The following STAU2 variants were observed in gnomAD, a reference collection of about 807,000 sequenced individuals.
STAU2 encodes staufen double-stranded RNA binding protein 2.
STAU2 carries 20 observed loss-of-function variants against 65.9 expected under a neutral mutation model. The observed-to-expected ratio is 0.30, with a 90% confidence interval of 0.21 to 0.44. STAU2 has a LOEUF of 0.44. STAU2 is among the 20% of genes least tolerant of loss of function. STAU2 has a pLI of 1.00. For missense variants in STAU2, 558 were observed against 683.9 expected, an observed-to-expected ratio of 0.82 and a Z score of 2.05; for synonymous variants, 232 against 233.9, an observed-to-expected ratio of 0.99 and a Z score of 0.07.
chr8:73,719,919 C>A (rs1821519922), intron 3 of STAU2, among the ~76,000 whole-genome samples: 1 of 152,106 alleles, frequency 6.6e-6, no homozygotes, highest in African/African-American at 2.4e-5. Flanking sequence ...ACCAGTGAAA[C>A]TATCCGGACC....
chr8:73,712,902 A>G (rs1157663348), intron 3 of STAU2, among the ~76,000 whole-genome samples: 1 of 152,228 alleles, frequency 6.6e-6, no homozygotes, highest in Non-Finnish European at 1.5e-5. Flanking sequence ...ACTGCAATCC[A>G]GCCTGGGTGA....
At position 73,495,422 on chromosome 8, in the gene STAU2, T is replaced by C. The variant is rs554558716; in HGVS notation, c.1530+56590A>G. Reference sequence around the variant, plus strand: ...TAGTCAAAATGTTAAAGGCAGTTTATCTTAAGCATTTACATTTTTCTTCTA... The same window carrying C: ...TAGTCAAAATGTTAAAGGCAGTTTACCTTAAGCATTTACATTTTTCTTCTA... On this transcript the variant is annotated intron_variant, in intron 13 of 14. Coordinates refer to ENST00000524300, the MANE Select transcript of STAU2 (RefSeq NM_001164380.2). Among the ~76,000 whole-genome samples the C allele has an allele frequency of 7.3e-5, 11 of 151,614 alleles. No individual in the cohort carries two copies. The South Asian group carries it at 2.3e-3, about 31-fold the overall frequency.
At chr8:73,513,597 G>A (rs1822533683) in intron 13 of STAU2, among the ~76,000 whole-genome samples, 1 of 152,102 alleles carries the variant, frequency 6.6e-6, no homozygotes, top group Admixed American at 6.5e-5. Flanking sequence ...TGTTTGAAGT[G>A]TTTTGGTGAG....
At chr8:73,638,859 T>C (rs555181059) in intron 6 of STAU2, among the ~76,000 whole-genome samples, 80 of 152,000 alleles carry the variant, frequency 5.3e-4, no homozygotes, top group Middle Eastern at 3.4e-3. Flanking sequence ...GTACAAGTAG[T>C]AAAAAATTGA....
chr8:73,554,747 C>T (rs1010905426), intron 12 of STAU2, among the ~76,000 whole-genome samples: 1 of 152,216 alleles, frequency 6.6e-6, no homozygotes, highest in Admixed American at 6.5e-5. Flanking sequence ...AGAACATTCT[C>T]TTACTTAAAG....
chr8:73,659,994 A>C (rs1816706852), intron 6 of STAU2, among the ~76,000 whole-genome samples: 2 of 152,204 alleles, frequency 1.3e-5, no homozygotes, highest in South Asian at 4.1e-4. Context: ...TTAAACTTTT[A>C]GCATAAAGAA....
At chr8:73,674,523 T>C (rs1376516798) in intron 5 of STAU2, among the ~76,000 whole-genome samples, 2 of 151,930 alleles carry the variant, frequency 1.3e-5, no homozygotes, top group Non-Finnish European at 2.9e-5. Flanking sequence ...ACCTAATTGA[T>C]TGGTGGCCCT....
At position 73,536,350 on chromosome 8, in the gene STAU2, A is replaced by G. The variant is rs186178995; in HGVS notation, c.1530+15662T>C. The stretch of plus-strand genomic sequence containing the variant: ...CCAATGGGTACAGGTGGGGAAAAAA[A>G]GCCCTAAGAAAGTCTGCTCTTTCTA... On this transcript the variant is annotated intron_variant, in intron 13 of 14. Coordinates refer to ENST00000524300, the MANE Select transcript of STAU2 (RefSeq NM_001164380.2). Among the ~76,000 whole-genome samples the G allele has an allele frequency of 3.6e-3, 552 of 152,308 alleles. 3 individuals carry two copies. The highest frequency in any genetic ancestry group is 0.013 in the African/African-American group (523 of 41,560).
At chr8:73,581,873 G>A (rs193082480) in intron 12 of STAU2, among the ~76,000 whole-genome samples, 2 of 152,148 alleles carry the variant, frequency 1.3e-5, no homozygotes, top group African/African-American at 2.4e-5. Context: ...ATCAAGAGAC[G>A]AGCCACTAAT....
chr8:73,433,514 T>C (rs1160911708), intron 13 of STAU2, among the ~76,000 whole-genome samples: 1 of 150,792 alleles, frequency 6.6e-6, no homozygotes, highest in Admixed American at 6.6e-5. Context: ...TTTTTTTTTT[T>C]TTTTTTGACA....
chr8:73,650,142 T>TA (rs2130217454), intron 6 of STAU2, among the ~76,000 whole-genome samples: 1 of 151,968 alleles, frequency 6.6e-6, no homozygotes, highest in South Asian at 2.1e-4. Flanking sequence ...GGAGAATTTC[T>TA]ATTATCATTC....
chr8:73,651,395 C>T lies in STAU2; in HGVS notation c.410+21712G>A, dbSNP rs537683183. 134 of 664,466 alleles carry T rather than the reference C, an allele frequency of 2.0e-4. No homozygotes were observed. In the Middle Eastern group the frequency reaches 2.2e-3, roughly 11 times the overall value. The allele number at this position is 664,466 out of a possible 1,614,324, so 41.2% of individuals were successfully genotyped here. A position where few individuals can be genotyped will look rare whatever the true frequency, so the allele number is the denominator to read the frequency against. ...GTGGAAGAGGCTGGCCAGGGAAATG[C>T]AGCTGTCGGAGGTCCAGATAAAAAC... On this transcript the variant is annotated intron_variant, in intron 6 of 14. Transcript: ENST00000524300.
At chr8:73,447,701 C>T (rs994319485) in intron 13 of STAU2, among the ~76,000 whole-genome samples, 1 of 152,238 alleles carries the variant, frequency 6.6e-6, no homozygotes, top group Non-Finnish European at 1.5e-5. Context: ...ACCTCGCTGA[C>T]CACGAGGTGG....
intron 6 of STAU2, among the ~76,000 whole-genome samples, chr8:73,659,359 G>C (rs1201224756): frequency 1.3e-5 from 2 of 152,092 alleles, no homozygotes; most frequent in East Asian, 3.9e-4. Flanking sequence ...CCAACATGGA[G>C]AAAACCTGTC....
At chr8:73,626,378 G>T (rs1468558136) in intron 6 of STAU2, among the ~76,000 whole-genome samples, 6 of 152,204 alleles carry the variant, frequency 3.9e-5, no homozygotes, top group African/African-American at 1.2e-4. Flanking sequence ...GGAATGATTA[G>T]TAGGAAACTA....
At chr8:73,709,441 T>A (rs545855102) in intron 3 of STAU2, among the ~76,000 whole-genome samples, 3 of 152,196 alleles carry the variant, frequency 2.0e-5, no homozygotes, top group African/African-American at 7.2e-5. Context: ...AATAATTTTT[T>A]ATCTTAAAAA....
At chr8:73,725,160 T>C (rs1805536200) in intron 3 of STAU2, among the ~76,000 whole-genome samples, 1 of 152,242 alleles carries the variant, frequency 6.6e-6, no homozygotes, top group Admixed American at 6.5e-5. Context: ...ACATTTAGTA[T>C]AGTTGTCAAT....
chr8:73,522,822 T>C (rs921137555), intron 13 of STAU2, among the ~76,000 whole-genome samples: 2 of 152,076 alleles, frequency 1.3e-5, no homozygotes, highest in African/African-American at 4.8e-5. Context: ...GGTTTCAGGA[T>C]GGGAAACTCT....
At chr8:73,579,571 A>T (rs1198512238) in intron 12 of STAU2, among the ~76,000 whole-genome samples, 1 of 152,182 alleles carries the variant, frequency 6.6e-6, no homozygotes, top group Non-Finnish European at 1.5e-5. Flanking sequence ...AAAATTCATG[A>T]TCTTTTTTTA....
Sources: allele counts gnomAD v4.1 joint callset (sites outside exome capture counted in the v4.1 genomes callset), GRCh38; gene constraint gnomAD v4.1.1; transcripts MANE v1.5; gene names NCBI Gene and HGNC (gene_info 2026-07-23, HGNC 2026-07-21).